The following ADAMTSL1 variants were observed in gnomAD, a reference collection of about 807,000 sequenced individuals.
ADAMTSL1 encodes ADAMTS like 1.
ADAMTSL1 carries 126 observed loss-of-function variants against 201.8 expected under a neutral mutation model. The ratio of observed to expected loss-of-function variants is 0.62; its 90% CI spans 0.54 to 0.72. ADAMTSL1 has a LOEUF of 0.72. ADAMTSL1 is among the 30% of genes least tolerant of loss of function. ADAMTSL1 has a pLI of 0.00. For missense variants in ADAMTSL1, 2,679 were observed against 2,277.8 expected, an observed-to-expected ratio of 1.18 and a Z score of -3.59; for synonymous variants, 1,121 against 903.4, an observed-to-expected ratio of 1.24 and a Z score of -4.32.
intron 13 of ADAMTSL1, among the ~76,000 whole-genome samples, chr9:18,701,302 C>T (rs1188225498): frequency 6.7e-6 from 1 of 149,668 alleles, no homozygotes; most frequent in Non-Finnish European, 1.5e-5. Flanking sequence ...TCACTGCAAC[C>T]TCCACCTCCC....
At chr9:18,670,709 C>G (rs1053234182) in intron 9 of ADAMTSL1, among the ~76,000 whole-genome samples, 1 of 152,220 alleles carries the variant, frequency 6.6e-6, no homozygotes, top group Non-Finnish European at 1.5e-5. Context: ...TGATTATTTA[C>G]TAATCACCTG....
intron 2 of ADAMTSL1, among the ~76,000 whole-genome samples, chr9:18,299,246 G>A (rs548113255): frequency 2.6e-5 from 4 of 152,126 alleles, no homozygotes; most frequent in South Asian, 2.1e-4. Context: ...CTTCTGAGCC[G>A]CCACACTATT....
chr9:17,934,644 G>T (rs1299550693), intron 1 of ADAMTSL1, among the ~76,000 whole-genome samples: 1 of 151,936 alleles, frequency 6.6e-6, no homozygotes, highest in African/African-American at 2.4e-5. Flanking sequence ...CATCAGACCT[G>T]CCGCATTTCT....
chr9:18,079,608 C>T (rs563705128), intron 1 of ADAMTSL1, among the ~76,000 whole-genome samples: 5 of 151,564 alleles, frequency 3.3e-5, no homozygotes, highest in South Asian at 2.1e-4. Flanking sequence ...CGTTAACCCA[C>T]GAGCTGGAGC....
At chr9:18,404,539 C>T (rs900096652) in intron 2 of ADAMTSL1, among the ~76,000 whole-genome samples, 2 of 152,194 alleles carry the variant, frequency 1.3e-5, no homozygotes, top group Non-Finnish European at 2.9e-5. Context: ...GACCTCTTTC[C>T]GAATGGCCCA....
At chr9:18,176,573 T>C (rs1438931143) in intron 2 of ADAMTSL1, among the ~76,000 whole-genome samples, 1 of 152,158 alleles carries the variant, frequency 6.6e-6, no homozygotes, top group Non-Finnish European at 1.5e-5. Flanking sequence ...GAAGAAGAAA[T>C]GAAAAGCAGT....
chr9:18,681,700 G>GC, intron 11 of ADAMTSL1, 112 bp from the exon 12 acceptor site: 1 of 673,508 alleles, frequency 1.5e-6, no homozygotes, highest in Non-Finnish European at 2.1e-6. Context: ...CCTCGTGTGG[G>GC]GGGGGGGGGC....
intron 2 of ADAMTSL1, among the ~76,000 whole-genome samples, chr9:18,171,485 A>T (rs1827887038): frequency 6.6e-6 from 1 of 152,140 alleles, no homozygotes; most frequent in Non-Finnish European, 1.5e-5. Context: ...ACAAGGTAAA[A>T]GGACAAGACA....
intron 5 of ADAMTSL1, among the ~76,000 whole-genome samples, chr9:18,626,878 C>CTTTACTTTCTTT (rs1461320087): frequency 1.0e-4 from 9 of 90,004 alleles, no homozygotes; most frequent in African/African-American, 4.2e-4. Flanking sequence ...TGTCTTTCTT[C>CTTTACTTTCTTT]CTTCCTTCCT....
At chr9:18,706,057 G>C (rs1034096607) in intron 13 of ADAMTSL1, among the ~76,000 whole-genome samples, 5 of 152,220 alleles carry the variant, frequency 3.3e-5, no homozygotes, top group Admixed American at 1.3e-4. Context: ...TCCATAGGCA[G>C]GGCAGCCCTG....
chr9:17,926,290 G>A (rs1826524290), intron 1 of ADAMTSL1, among the ~76,000 whole-genome samples: 2 of 152,150 alleles, frequency 1.3e-5, no homozygotes, highest in Admixed American at 1.3e-4. Flanking sequence ...AGTTTCGAAT[G>A]CTAATTTTAA....
chr9:18,618,476 C>G (rs1370255040), intron 4 of ADAMTSL1, among the ~76,000 whole-genome samples: 1 of 146,028 alleles, frequency 6.8e-6, no homozygotes, highest in African/African-American at 2.6e-5. Context: ...TGGAGATAGA[C>G]ATGTTAATAA....
chr9:18,597,231 G>A (rs1217230067), intron 4 of ADAMTSL1, among the ~76,000 whole-genome samples: 1 of 152,048 alleles, frequency 6.6e-6, no homozygotes, highest in African/African-American at 2.4e-5. Flanking sequence ...ATATATTTGT[G>A]CCTTGCTCTC....
intron 4 of ADAMTSL1, among the ~76,000 whole-genome samples, chr9:18,606,623 T>G (rs1825030392): frequency 6.6e-6 from 1 of 152,186 alleles, no homozygotes; most frequent in African/African-American, 2.4e-5. Flanking sequence ...TCTGTCATTT[T>G]CTAGATAGGT....
intron 6 of ADAMTSL1, among the ~76,000 whole-genome samples, chr9:18,636,752 A>T (rs998505877): frequency 6.6e-6 from 1 of 152,204 alleles, no homozygotes. Flanking sequence ...ATAGGCTATA[A>T]ACAAAGAAGA....
intron 23 of ADAMTSL1, among the ~76,000 whole-genome samples, chr9:18,844,666 C>T (rs1825970708): frequency 6.6e-6 from 1 of 152,222 alleles, no homozygotes; most frequent in Non-Finnish European, 1.5e-5. Context: ...GCAGGCAGGC[C>T]TCCTTGAGCT....
At chr9:18,627,463 G>C (rs1197871812) in intron 5 of ADAMTSL1, among the ~76,000 whole-genome samples, 2 of 152,132 alleles carry the variant, frequency 1.3e-5, no homozygotes, top group East Asian at 3.8e-4. Flanking sequence ...ATTATTTTAT[G>C]GTTCTGGGGG....
At chr9:18,247,081 T>C (rs929106158) in intron 2 of ADAMTSL1, among the ~76,000 whole-genome samples, 2 of 152,122 alleles carry the variant, frequency 1.3e-5, no homozygotes, top group African/African-American at 2.4e-5. Context: ...ATTTAGATTC[T>C]CAAAGAGATA....
intron 2 of ADAMTSL1, among the ~76,000 whole-genome samples, chr9:18,269,316 G>A (rs961723003): frequency 6.6e-6 from 1 of 152,102 alleles, no homozygotes; most frequent in African/African-American, 2.4e-5. Flanking sequence ...TAGGGTCTCT[G>A]CATCATAAGT....
Sources: allele counts gnomAD v4.1 joint callset (sites outside exome capture counted in the v4.1 genomes callset), GRCh38; gene constraint gnomAD v4.1.1; transcripts MANE v1.5; gene names NCBI Gene and HGNC (gene_info 2026-07-23, HGNC 2026-07-21).